Variants in DNAH11 observed in about 807,000 individuals in gnomAD.
The protein encoded by DNAH11 is dynein axonemal heavy chain 11, also known as axonemal beta dynein heavy chain 11.
Under a neutral mutation model 526.0 loss-of-function variants are expected in DNAH11, and 442 were observed. That is an observed-to-expected ratio of 0.84 (90% confidence interval 0.78 to 0.91). DNAH11 has a LOEUF of 0.91. DNAH11 is among the 40% of genes least tolerant of loss of function. DNAH11 has a pLI of 0.00. For synonymous variants in DNAH11, 2,461 were observed against 1,935.9 expected (o/e 1.27, Z -7.12); for missense variants, 6,989 against 5,448.7 (o/e 1.28, Z -8.90).
chr7:21,717,942 G>A lies in DNAH11; in HGVS notation c.7134+17G>A, dbSNP rs569031640. ...CTGGTGCAGGTTTGTCTTCGGTTAC[G>A]CCATTTAACGTTCTAGTTCTGATGC... On this transcript the variant is annotated intron_variant, in intron 43 of 81. Coordinates refer to ENST00000409508, the MANE Select transcript of DNAH11 (RefSeq NM_001277115.2). 8.5e-5 allele frequency: 137 copies of A among 1,605,030 alleles called. 1 individual carries two copies. The East Asian group carries it at 1.8e-3, about 21-fold the overall frequency.
chr7:21,875,877 CTTTTTTTT>C (rs35349937), intron 74 of DNAH11, among the ~76,000 whole-genome samples: 1 of 78,938 alleles, frequency 1.3e-5, no homozygotes, highest in Non-Finnish European at 2.3e-5. Context: ...AAGAATATTT[CTTTTTTTT>C]TTTTTTTTTT....
intron 79 of DNAH11, among the ~76,000 whole-genome samples, chr7:21,898,468 T>G (rs1479018351): frequency 6.6e-6 from 1 of 152,212 alleles, no homozygotes; most frequent in African/African-American, 2.4e-5. Context: ...CCCCACTTCC[T>G]TTGCATATCT....
At chr7:21,544,053 A>G (rs2128425116) in intron 1 of DNAH11, among the ~76,000 whole-genome samples, 1 of 152,216 alleles carries the variant, frequency 6.6e-6, no homozygotes, top group East Asian at 1.9e-4. Context: ...CCAGGCAAAA[A>G]CATTAAGTCC....
intron 14 of DNAH11, among the ~76,000 whole-genome samples, chr7:21,596,015 T>G (rs1242247101): frequency 6.6e-6 from 1 of 152,178 alleles, no homozygotes; most frequent in Admixed American, 6.5e-5. Context: ...TACAGTACAT[T>G]TGATATGCTC....
At chr7:21,560,235 G>A (rs1323607661) in intron 4 of DNAH11, among the ~76,000 whole-genome samples, 2 of 152,042 alleles carry the variant, frequency 1.3e-5, no homozygotes, top group African/African-American at 4.8e-5. Context: ...GTCTTTTGGA[G>A]ATTTTCTGAA....
Position 21,842,546 on chromosome 7 carries a change from A to G in DNAH11, c.10694A>G (p.Tyr3565Cys), listed in dbSNP as rs773152827. Residue 3565 changes from tyrosine (Y) to cysteine (C), a missense_variant and splice_region_variant, in exon 66 of 82, where the codon TAT (tyrosine) becomes TGT (cysteine). By Grantham distance (194) the Tyr-to-Cys change is radical. Transcript: ENST00000409508. The part of the protein sequence containing the change: ...LGRNTIKKGK[Y>C]IRIGDKECEF... ...AGTCTGTGTTTTGCTCCGTTTAGGT[A>G]TATCAGGATTGGAGATAAAGAATGT... The G allele has an allele frequency of 4.3e-6, 7 of 1,613,616 alleles. No individual in the cohort carries two copies. In the Admixed American group the frequency reaches 5.0e-5, roughly 12 times the overall value.
intron 57 of DNAH11, among the ~76,000 whole-genome samples, chr7:21,783,116 A>G (rs183405039): frequency 1.3e-3 from 196 of 152,272 alleles, no homozygotes; most frequent in African/African-American, 4.6e-3. Context: ...TCACTCACAT[A>G]AACTCTTTTA....
At chr7:21,610,086 C>G (rs546457044) in intron 20 of DNAH11, among the ~76,000 whole-genome samples, 1 of 152,194 alleles carries the variant, frequency 6.6e-6, no homozygotes, top group South Asian at 2.1e-4. Context: ...AACCCCGTCT[C>G]TACTAAAAAT....
intron 55 of DNAH11, among the ~76,000 whole-genome samples, chr7:21,772,932 C>A (rs761793014): frequency 1.3e-5 from 2 of 152,186 alleles, no homozygotes; most frequent in Non-Finnish European, 2.9e-5. Context: ...TTCCCAAAGA[C>A]GTCTGAGCAT....
At position 21,702,691 on chromosome 7, in the gene DNAH11, A is replaced by C. The variant is rs754441155; in HGVS notation, c.6181-19A>C. On this transcript the variant is annotated intron_variant, in intron 36 of 81. Transcript: ENST00000409508. ...TCCCTCATACAATTTTTGAGAAAAT[A>C]AACCTGTTTTGATTTTAGGATCATT... The C allele has an allele frequency of 2.5e-6, 4 of 1,607,876 alleles. No individual in the cohort carries two copies. The Admixed American group carries it at 5.0e-5, about 20-fold the overall frequency.
intron 54 of DNAH11, among the ~76,000 whole-genome samples, chr7:21,763,742 T>C (rs1013077234): frequency 6.7e-6 from 1 of 149,820 alleles, no homozygotes; most frequent in African/African-American, 2.5e-5. Context: ...AGCTGAGATA[T>C]GCAAGCAACT....
intron 20 of DNAH11, among the ~76,000 whole-genome samples, chr7:21,613,826 A>C (rs998691545): frequency 6.6e-6 from 1 of 152,108 alleles, no homozygotes; most frequent in Non-Finnish European, 1.5e-5. Context: ...CAGTGGTACA[A>C]TTTCAACTCA....
chr7:21,720,897 G>A (rs973943608), intron 44 of DNAH11, 41 bp downstream of exon 44: 22 of 1,600,194 alleles, frequency 1.4e-5, no homozygotes, highest in Admixed American at 3.4e-5. Context: ...TTCCAGTTTT[G>A]TGTGGGACAG....
At chr7:21,618,574 A>T in intron 23 of DNAH11, 1 of 160,526 alleles carries the variant, frequency 6.2e-6, no homozygotes, top group Non-Finnish European at 1.3e-5. Flanking sequence ...CAATGTGGAA[A>T]TGAGAATTAT....
chr7:21,725,160 C>T (rs973515602), intron 44 of DNAH11, among the ~76,000 whole-genome samples: 1 of 152,186 alleles, frequency 6.6e-6, no homozygotes, highest in Admixed American at 6.5e-5. Flanking sequence ...TCTCTGGAGG[C>T]TGAAAGTTGA....
intron 6 of DNAH11, 32 bp from the exon 7 acceptor site, chr7:21,570,035 GTT>G (rs1364705751): frequency 1.3e-6 from 2 of 1,490,482 alleles, no homozygotes; most frequent in East Asian, 2.4e-5. Context: ...GTTAAACATA[GTT>G]TTGATCATTG....
In DNAH11 at chr7:21,861,816, A is replaced by G. The variant is rs747493536; in HGVS notation, c.11203-37A>G. The G allele has an allele frequency of 1.9e-6, 3 of 1,608,160 alleles. No homozygotes were observed. The African/African-American group carries it at 4.0e-5, about 21-fold the overall frequency. ...GGGGGTAGCTAGACATCCAGGCACC[A>G]GTTGTCACATTTTAATGGTCACATT... is the stretch of plus-strand genomic sequence containing the variant. On this transcript the variant is annotated intron_variant, in intron 68 of 81. Transcript: ENST00000409508.
intron 55 of DNAH11, among the ~76,000 whole-genome samples, chr7:21,767,957 A>G (rs775817084): frequency 1.4e-4 from 21 of 152,140 alleles, no homozygotes; most frequent in Non-Finnish European, 2.1e-4. Flanking sequence ...AGGAGTCGTT[A>G]AAGGCAAGCA....
At chr7:21,726,772 A>G (rs1057000931) in intron 45 of DNAH11, among the ~76,000 whole-genome samples, 1 of 133,850 alleles carries the variant, frequency 7.5e-6, no homozygotes, top group African/African-American at 2.8e-5. Context: ...GAGGCAGGAG[A>G]GTCGCTTGAA....
Sources: allele counts gnomAD v4.1 joint callset (sites outside exome capture counted in the v4.1 genomes callset), GRCh38; gene constraint gnomAD v4.1.1; transcripts MANE v1.5; gene names NCBI Gene and HGNC (gene_info 2026-07-23, HGNC 2026-07-21).